CACNA1B: variants seen among roughly 807,000 people sequenced by gnomAD.
CACNA1B encodes the protein voltage-dependent N-type calcium channel subunit alpha-1B.
A neutral mutation model predicts 247.2 loss-of-function variants in CACNA1B; 70 were observed. The ratio of observed to expected loss-of-function variants is 0.28; its 90% confidence interval spans 0.23 to 0.35. The LOEUF (loss-of-function observed/expected upper bound fraction) is 0.35, where lower values mean the gene tolerates loss of function less well. Ranked by LOEUF, CACNA1B falls within the 10% of genes least tolerant of loss-of-function variation. CACNA1B has a pLI of 1.00. For missense variants in CACNA1B, 2,367 were observed against 3,197.4 expected (o/e 0.74, Z 6.26); for synonymous variants, 1,231 against 1,294.4 (o/e 0.95, Z 1.05).
chr9:138,113,820 C>G (rs1419880387), intron 40 of CACNA1B, among the ~76,000 whole-genome samples: 1 of 62,192 alleles, frequency 1.6e-5, no homozygotes, highest in Admixed American at 1.9e-4. Context: ...GAGGGAGCGC[C>G]GGGAGGTGCC....
At position 138,014,202 on chromosome 9, in the gene CACNA1B, T is replaced by C. The variant is rs1958762117; in HGVS notation, c.2267+967T>C. ...GCACTGCTGGGTAAGCATGCTGGCA[T>C]GTGGATGAGTGTGCTAGGTGTGTGT... is the stretch of plus-strand genomic sequence containing the variant. On this transcript the variant is annotated intron_variant, in intron 18 of 46. Coordinates refer to ENST00000371372, the MANE Select transcript of CACNA1B (RefSeq NM_000718.4). The surrounding 1 kb of genome is among the most constrained non-coding windows in gnomAD (Gnocchi z 6.2). Among the ~76,000 whole-genome samples, 1 of 152,154 alleles carries C rather than the reference T, an allele frequency of 6.6e-6. No homozygotes were observed. The highest frequency in any genetic ancestry group is 1.5e-5 in the Non-Finnish European group (1 of 68,014).
rs77286332 is a variant in CACNA1B, at chr9:138,056,130, G to T, written c.3969-1602G>T. ...TCCACTTACAGTGTGCAATTAAGTG[G>T]CTTTTAGTCTATTTACAGGTACATG... On this transcript the variant is annotated intron_variant, in intron 26 of 46. Transcript: ENST00000371372. Among the ~76,000 whole-genome samples, 1,390 of 152,142 alleles carry T rather than the reference G, an allele frequency of 9.1e-3. 23 individuals carry two copies. The highest frequency in any genetic ancestry group is 0.032 in the African/African-American group (1,337 of 41,478).
chr9:138,047,379 A>T lies in CACNA1B; in HGVS notation c.3544-20A>T, dbSNP rs1199207584. 6.3e-7 allele frequency: 1 copy of T among 1,591,808 alleles called. No homozygotes were observed. Among genetic ancestry groups the T allele is most frequent in the Non-Finnish European group, 8.6e-7 (1 of 1,159,748 alleles). On this transcript the variant is annotated intron_variant, in intron 22 of 46. Transcript: ENST00000371372. ...AGATTTCAGCCCAGCCTTTGAGAATAACCTTCCTTTTGGTTTCAGGCTCTG... is the reference window on the plus strand; with the variant it reads ...AGATTTCAGCCCAGCCTTTGAGAATTACCTTCCTTTTGGTTTCAGGCTCTG...
At chr9:137,928,879 A>G (rs1957579960) in intron 6 of CACNA1B, among the ~76,000 whole-genome samples, 1 of 152,204 alleles carries the variant, frequency 6.6e-6, no homozygotes, top group East Asian at 1.9e-4. Flanking sequence ...GAATCATACA[A>G]TCGGTGGCCT....
chr9:138,091,836 C>G (rs1414943637), intron 36 of CACNA1B, among the ~76,000 whole-genome samples: 2 of 152,168 alleles, frequency 1.3e-5, no homozygotes, highest in African/African-American at 2.4e-5. Flanking sequence ...AACATAGGTT[C>G]TTTTCTATTT....
chr9:137,924,093 C>T (rs1957522543), intron 6 of CACNA1B, among the ~76,000 whole-genome samples: 1 of 152,146 alleles, frequency 6.6e-6, no homozygotes, highest in Non-Finnish European at 1.5e-5. Context: ...TTTCATGGAA[C>T]AAATGTTTTT....
intron 15 of CACNA1B, among the ~76,000 whole-genome samples, chr9:138,001,061 C>T (rs1339586966): frequency 6.6e-6 from 1 of 151,976 alleles, no homozygotes; most frequent in Non-Finnish European, 1.5e-5. Context: ...ATTAAAAAAT[C>T]AAATCAGCTG....
intron 39 of CACNA1B, 34 bp from the exon 40 acceptor site, chr9:138,112,364 T>C (rs375632366): frequency 9.9e-6 from 15 of 1,520,134 alleles, no homozygotes; most frequent in Admixed American, 3.3e-5. Context: ...AACATCTCTG[T>C]CTTTTCCCCT....
chr9:137,928,388 G>A (rs753504209), intron 6 of CACNA1B, among the ~76,000 whole-genome samples: 8 of 152,146 alleles, frequency 5.3e-5, no homozygotes, highest in South Asian at 2.1e-4. Flanking sequence ...GAGCCCCACC[G>A]TGCCTGGCCT....
At position 137,955,661 on chromosome 9, in the gene CACNA1B, C is replaced by G. The variant is rs1210743197; in HGVS notation, c.1071-37C>G. 1 of 1,410,370 alleles carries G rather than the reference C, an allele frequency of 7.1e-7. No individual in the cohort carries two copies. Among genetic ancestry groups the G allele is most frequent in the East Asian group, 2.3e-5 (1 of 42,934 alleles). The allele number at this position is 1,410,370 out of a possible 1,614,324, so 87.4% of individuals were successfully genotyped here. ...GGGCTGCACACCTGTGGGGCTTGCA[C>G]TCACCTGATCTTGCTTTTCCGGCCC... On this transcript the variant is annotated intron_variant, in intron 7 of 46. Coordinates refer to ENST00000371372, the MANE Select transcript of CACNA1B (RefSeq NM_000718.4). The surrounding 1 kb of genome is among the most constrained non-coding windows in gnomAD (Gnocchi z 6.9).
At chr9:137,895,525 G>A (rs1588988696) in intron 3 of CACNA1B, among the ~76,000 whole-genome samples, 1 of 152,010 alleles carries the variant, frequency 6.6e-6, no homozygotes, top group African/African-American at 2.4e-5. Context: ...GCTTTCATCG[G>A]CATTTTGCAG....
At position 137,950,525 on chromosome 9, in the gene CACNA1B, C is replaced by T. The variant is rs554439164; in HGVS notation, c.967-1749C>T. ...GCACCCCATGGAGGGTGAGGGGATT[C>T]GGATGCCTCACTGCAGTCTAGGTGC... is the stretch of plus-strand genomic sequence containing the variant. On this transcript the variant is annotated intron_variant, in intron 6 of 46. Coordinates refer to ENST00000371372, the MANE Select transcript of CACNA1B (RefSeq NM_000718.4). The surrounding 1 kb of genome is among the most constrained non-coding windows in gnomAD (Gnocchi z 4.8). Among the ~76,000 whole-genome samples, 10 of 152,262 alleles carry T rather than the reference C, an allele frequency of 6.6e-5. No individual in the cohort carries two copies. The highest frequency in any genetic ancestry group is 1.7e-4 in the African/African-American group (7 of 41,552).
In CACNA1B at chr9:137,957,506, G is replaced by A; in HGVS notation, c.1244-92G>A. 1 of 889,204 alleles carries A rather than the reference G, an allele frequency of 1.1e-6. No homozygotes were observed. The highest frequency in any genetic ancestry group is 1.7e-6 in the Non-Finnish European group (1 of 597,272). The allele number at this position is 889,204 out of a possible 1,614,324, so 55.1% of individuals were successfully genotyped here. A position where few individuals can be genotyped will look rare whatever the true frequency, so the allele number is the denominator to read the frequency against. On this transcript the variant is annotated intron_variant, in intron 9 of 46. Transcript: ENST00000371372. This position sits in a 1 kb window ranked among gnomAD's most constrained non-coding sequence, Gnocchi z 4.7. ...GACAGGAGCTCAGGAGAGGTCACTG[G>A]TCCCAGGGGGAGGGTGATCCCATGC...
At chr9:137,923,670 G>T (rs1312939179) in intron 6 of CACNA1B, among the ~76,000 whole-genome samples, 2 of 152,230 alleles carry the variant, frequency 1.3e-5, no homozygotes, top group Non-Finnish European at 2.9e-5. Context: ...AAATGCCAAA[G>T]AGTGCAAATT....
At chr9:137,993,830 T>C (rs1294504543) in intron 15 of CACNA1B, among the ~76,000 whole-genome samples, 3 of 152,050 alleles carry the variant, frequency 2.0e-5, no homozygotes, top group African/African-American at 7.2e-5. Flanking sequence ...AAGAGGGAAT[T>C]CTCCCTAAAT....
rs1445629062 is a variant in CACNA1B, at chr9:138,083,708, G to A, written c.5094+5450G>A. 2.7e-5 allele frequency among the ~76,000 whole-genome samples: 4 copies of A among 150,566 alleles called. 1 individual carries two copies. Among genetic ancestry groups the A allele is most frequent in the African/African-American group, 9.9e-5 (4 of 40,488 alleles). ...GACACCCAGCCCCATAGGCCAAATA[G>A]CTCTATTGCCCTGCTTTCCTGGAGC... On this transcript the variant is annotated intron_variant, in intron 36 of 46. Transcript: ENST00000371372.
Position 138,112,423 on chromosome 9 carries a change from C to T in CACNA1B, c.5454C>T (p.Asp1818=), listed in dbSNP as rs202244111. 2.2e-5 allele frequency: 35 copies of T among 1,613,102 alleles called. No individual in the cohort carries two copies. The highest frequency in any genetic ancestry group is 1.6e-4 in the East Asian group (7 of 44,888). Residue 1818 remains aspartate, a synonymous_variant, in exon 40 of 47, where the codon GAC becomes GAT. Coordinates refer to ENST00000371372, the MANE Select transcript of CACNA1B (RefSeq NM_000718.4). ...CTGGGACAAAGCAGCATCAGTGTGA[C>T]GCGGAGTTGAGGAAGGAGATTTCCG... ...APAGTKQHQC[D]AELRKEISVV...
In CACNA1B at chr9:137,880,051, G is replaced by A. The variant is rs1429676718; in HGVS notation, c.390+892G>A. On this transcript the variant is annotated intron_variant, in intron 2 of 46. Transcript: ENST00000371372. The surrounding 1 kb of genome is among the most constrained non-coding windows in gnomAD (Gnocchi z 4.8). ...CGGCCTCTCTGGGGTGTCAGGAGCT[G>A]CTCCCTCTTCCCTTAAGCCTGGCTT... is the stretch of plus-strand genomic sequence containing the variant. Among the ~76,000 whole-genome samples the A allele has an allele frequency of 6.6e-6, 1 of 152,208 alleles. No homozygotes were observed. The highest frequency in any genetic ancestry group is 1.5e-5 in the Non-Finnish European group (1 of 68,044).
At chr9:138,083,864 A>C (rs1284294035) in intron 36 of CACNA1B, among the ~76,000 whole-genome samples, 1 of 150,538 alleles carries the variant, frequency 6.6e-6, no homozygotes, top group Non-Finnish European at 1.5e-5. Flanking sequence ...CTGTTCTCAC[A>C]GAACCTGGGA....
Sources: allele counts gnomAD v4.1 joint callset (sites outside exome capture counted in the v4.1 genomes callset), GRCh38; gene constraint gnomAD v4.1.1; non-coding constraint Gnocchi (gnomAD v3.1); transcripts MANE v1.5; gene names NCBI Gene and HGNC (gene_info 2026-07-23, HGNC 2026-07-21).